Variants in MAGI2 observed in about 807,000 individuals in gnomAD.
MAGI2 encodes the protein membrane associated guanylate kinase, WW and PDZ domain containing 2.
Under a neutral mutation model 133.3 loss-of-function variants are expected in MAGI2, and 35 were observed. The observed-to-expected ratio is 0.26, with a 90% CI of 0.20 to 0.35. The LOEUF is 0.35. Ranked by LOEUF, MAGI2 falls within the 10% of genes least tolerant of loss-of-function variation. MAGI2 has a pLI of 1.00. For synonymous variants in MAGI2, 729 were observed against 710.6 expected (o/e 1.03, Z -0.41); for missense variants, 1,636 against 1,863.4 (o/e 0.88, Z 2.25).
chr7:78,813,795 A>AG, intron 2 of MAGI2, among the ~76,000 whole-genome samples: 1 of 151,406 alleles, frequency 6.6e-6, no homozygotes, highest in Non-Finnish European at 1.5e-5. Context: ...CAAAAAAAAA[A>AG]AAAAAAAAAC....
At chr7:78,737,275 G>T (rs1315620269) in intron 2 of MAGI2, among the ~76,000 whole-genome samples, 1 of 152,168 alleles carries the variant, frequency 6.6e-6, no homozygotes, top group Admixed American at 6.5e-5. Flanking sequence ...GTCAACATTA[G>T]AAAGATTGGC....
chr7:79,391,356 AT>A (rs1044883642), intron 1 of MAGI2, among the ~76,000 whole-genome samples: 5 of 151,578 alleles, frequency 3.3e-5, no homozygotes, highest in African/African-American at 1.2e-4. Context: ...AGGTAAAAAA[AT>A]ATACAGAAAA....
intron 6 of MAGI2, among the ~76,000 whole-genome samples, chr7:78,371,175 C>G (rs1465035479): frequency 6.6e-6 from 1 of 151,842 alleles, no homozygotes; most frequent in Non-Finnish European, 1.5e-5. Flanking sequence ...ACCAAATCCC[C>G]CAAGCTATTG....
intron 2 of MAGI2, among the ~76,000 whole-genome samples, chr7:79,006,138 A>G (rs1807416710): frequency 6.6e-6 from 1 of 152,192 alleles, no homozygotes; most frequent in Non-Finnish European, 1.5e-5. Context: ...CCAGATAATT[A>G]TAGTTACATA....
chr7:78,839,510 AG>A (rs954969642), intron 2 of MAGI2, among the ~76,000 whole-genome samples: 6 of 152,054 alleles, frequency 3.9e-5, no homozygotes, highest in Non-Finnish European at 7.4e-5. Context: ...AATTTATAAA[AG>A]AAAGAGGTCT....
intron 4 of MAGI2, among the ~76,000 whole-genome samples, chr7:78,508,860 T>A (rs1197463396): frequency 6.6e-6 from 1 of 151,816 alleles, no homozygotes; most frequent in African/African-American, 2.4e-5. Flanking sequence ...TTTCTCAGTA[T>A]GCTTTTATTG....
intron 1 of MAGI2, among the ~76,000 whole-genome samples, chr7:79,320,731 T>C (rs2129561594): frequency 6.6e-6 from 1 of 152,278 alleles, no homozygotes; most frequent in South Asian, 2.1e-4. Context: ...ATTTTTTTAA[T>C]TTCAAATGTT....
chr7:78,358,162 CAAAAAAAAAAAAAAAAAA>C (rs1185043187), intron 7 of MAGI2: 2 of 48,726 alleles, frequency 4.1e-5, no homozygotes, highest in Non-Finnish European at 7.1e-5. Context: ...GACTTTGCCT[CAAAAAAAAAAAAAAAAAA>C]AAAAAAAAAA....
chr7:78,259,850 G>A (rs1169797393), intron 9 of MAGI2, among the ~76,000 whole-genome samples: 2 of 152,132 alleles, frequency 1.3e-5, no homozygotes, highest in Non-Finnish European at 2.9e-5. Flanking sequence ...AGTTTGAATT[G>A]TAGTGATTAA....
chr7:78,666,332 G>T (rs1407878159), intron 2 of MAGI2, among the ~76,000 whole-genome samples: 2 of 152,136 alleles, frequency 1.3e-5, no homozygotes, highest in Admixed American at 6.6e-5. Flanking sequence ...AGAGTAAGAA[G>T]TAAGACTAGA....
chr7:78,193,759 AAG>A (rs1828455181), intron 12 of MAGI2, among the ~76,000 whole-genome samples: 1 of 145,504 alleles, frequency 6.9e-6, no homozygotes, highest in African/African-American at 2.5e-5. Context: ...TAAAAAAAAA[AAG>A]TATATGTGGG....
chr7:78,899,870 T>C (rs1473401163), intron 2 of MAGI2, among the ~76,000 whole-genome samples: 1 of 152,164 alleles, frequency 6.6e-6, no homozygotes, highest in African/African-American at 2.4e-5. Flanking sequence ...AAAAACATGT[T>C]TATTAATTTG....
chr7:78,024,486 T>C (rs570121604), intron 21 of MAGI2, among the ~76,000 whole-genome samples: 4 of 152,340 alleles, frequency 2.6e-5, no homozygotes, highest in African/African-American at 9.6e-5. Flanking sequence ...TGTTGGTGAA[T>C]GGCACAGTCA....
At chr7:79,281,570 A>G (rs752879014) in intron 1 of MAGI2, among the ~76,000 whole-genome samples, 1 of 152,164 alleles carries the variant, frequency 6.6e-6, no homozygotes, top group Admixed American at 6.6e-5. Context: ...CTGCAATACT[A>G]CAAAAAAAAT....
Position 78,080,952 on chromosome 7 carries a change from G to C in MAGI2, c.3568-1867C>G, listed in dbSNP as rs142437458. On this transcript the variant is annotated intron_variant, in intron 20 of 21. Coordinates refer to ENST00000354212, the MANE Select transcript of MAGI2 (RefSeq NM_012301.4). ...TACATGGTTATTCCAGTATTCCCCT[G>C]TCCCTCTCCCGCCAACCTCTTTTCA... 2.2e-3 allele frequency among the ~76,000 whole-genome samples: 334 copies of C among 152,200 alleles called. 1 individual carries two copies. Among genetic ancestry groups the C allele is most frequent in the Admixed American group, 3.9e-3 (59 of 15,286 alleles).
chr7:79,418,029 A>G (rs114898712), intron 1 of MAGI2, among the ~76,000 whole-genome samples: 1,705 of 152,244 alleles, frequency 0.011, 37 homozygotes, highest in African/African-American at 0.039. Flanking sequence ...TAAATATTAT[A>G]AAATTCACCC....
chr7:78,469,759 T>C (rs1791002983), intron 6 of MAGI2, among the ~76,000 whole-genome samples: 1 of 152,132 alleles, frequency 6.6e-6, no homozygotes, highest in Non-Finnish European at 1.5e-5. Flanking sequence ...ATATTCCAAT[T>C]TAGAATCCTG....
At chr7:79,369,209 T>G (rs896663487) in intron 1 of MAGI2, among the ~76,000 whole-genome samples, 1 of 152,174 alleles carries the variant, frequency 6.6e-6, no homozygotes, top group Non-Finnish European at 1.5e-5. Flanking sequence ...CGACTTCTTA[T>G]GAGGTCCCAG....
At chr7:78,482,104 C>T (rs1254409790) in intron 6 of MAGI2, among the ~76,000 whole-genome samples, 2 of 151,726 alleles carry the variant, frequency 1.3e-5, no homozygotes, top group Non-Finnish European at 2.9e-5. Context: ...TCAGATTTGC[C>T]ACTAATTAGG....
Sources: allele counts gnomAD v4.1 joint callset (sites outside exome capture counted in the v4.1 genomes callset), GRCh38; gene constraint gnomAD v4.1.1; transcripts MANE v1.5; gene names NCBI Gene and HGNC (gene_info 2026-07-23, HGNC 2026-07-21).